Variants in RBFOX1 observed in about 807,000 individuals in gnomAD.
RBFOX1 encodes the protein RNA binding fox-1 homolog 1, also known as RNA binding protein fox-1 homolog 1.
A neutral mutation model predicts 57.7 loss-of-function variants in RBFOX1; 8 were observed. That is an observed-to-expected ratio of 0.14 (90% CI 0.08 to 0.25). The LOEUF is 0.25. Among genes scored for constraint, RBFOX1 ranks in the 10% least tolerant of loss-of-function variants. The probability of loss-of-function intolerance (pLI) is 1.00; values close to 1 mark genes in which losing one functional copy is unlikely to be tolerated. For synonymous variants in RBFOX1, 326 were observed against 222.4 expected, an observed-to-expected ratio of 1.47 and a Z score of -4.15; for missense variants, 611 against 548.5, an observed-to-expected ratio of 1.11 and a Z score of -1.14.
At chr16:5,416,845 G>A (rs559390056) in intron 1 of RBFOX1, among the ~76,000 whole-genome samples, 4 of 152,270 alleles carry the variant, frequency 2.6e-5, no homozygotes, top group Non-Finnish European at 4.4e-5. Context: ...GTAAGAGGAG[G>A]GAAGTGTAGC....
chr16:6,706,477 T>C (rs1223944393), intron 3 of RBFOX1, among the ~76,000 whole-genome samples: 1 of 152,222 alleles, frequency 6.6e-6, no homozygotes, highest in Non-Finnish European at 1.5e-5. Flanking sequence ...TAGGACAGCC[T>C]GATGGCTGGT....
At chr16:5,340,209 T>C (rs149573783) in intron 1 of RBFOX1, among the ~76,000 whole-genome samples, 2 of 152,320 alleles carry the variant, frequency 1.3e-5, no homozygotes, top group East Asian at 3.9e-4. Flanking sequence ...GGGCTTTTAT[T>C]CTTGTTTGTC....
At chr16:5,521,183 G>A (rs1363045408) in intron 2 of RBFOX1, among the ~76,000 whole-genome samples, 2 of 152,160 alleles carry the variant, frequency 1.3e-5, no homozygotes, top group Admixed American at 1.3e-4. Flanking sequence ...CCTGAGATGA[G>A]GAGTCACAGA....
At chr16:6,898,886 A>G (rs920505434) in intron 3 of RBFOX1, among the ~76,000 whole-genome samples, 7 of 107,670 alleles carry the variant, frequency 6.5e-5, no homozygotes, top group Non-Finnish European at 1.1e-4. Flanking sequence ...CGTGTATAAT[A>G]CGTGTGTGCA....
chr16:5,732,489 A>C (rs1362020461), intron 3 of RBFOX1, among the ~76,000 whole-genome samples: 5 of 152,162 alleles, frequency 3.3e-5, no homozygotes, highest in Admixed American at 2.6e-4. Context: ...CACTTGTCAA[A>C]ATGTGCAGAA....
intron 3 of RBFOX1, among the ~76,000 whole-genome samples, chr16:5,673,884 G>A (rs1185035499): frequency 2.0e-5 from 3 of 152,202 alleles, no homozygotes; most frequent in African/African-American, 7.2e-5. Flanking sequence ...ATCTGCTTCA[G>A]CCTTCAGCTT....
At chr16:6,858,529 G>C (rs868040706) in intron 3 of RBFOX1, among the ~76,000 whole-genome samples, 9 of 152,126 alleles carry the variant, frequency 5.9e-5, no homozygotes, top group African/African-American at 2.2e-4. Flanking sequence ...TATCACGCTT[G>C]CTTGTTTTAC....
At chr16:6,742,031 T>A (rs986139965) in intron 3 of RBFOX1, among the ~76,000 whole-genome samples, 21 of 152,330 alleles carry the variant, frequency 1.4e-4, no homozygotes, top group African/African-American at 4.6e-4. Context: ...GTTCTGCATA[T>A]GTTCATTAAC....
intron 2 of RBFOX1, among the ~76,000 whole-genome samples, chr16:6,407,567 G>GTGTGTGTGTGTGTGTGTGTGTC (rs67151505): frequency 1.1e-4 from 16 of 145,088 alleles, no homozygotes; most frequent in South Asian, 9.1e-4. Flanking sequence ...GTGTGTGTGT[G>GTGTGTGTGTGTGTGTGTGTGTC]ACAGAGAGAG....
At chr16:7,576,465 C>A (rs1212124692) in intron 5 of RBFOX1, among the ~76,000 whole-genome samples, 1 of 152,170 alleles carries the variant, frequency 6.6e-6, no homozygotes, top group East Asian at 1.9e-4. Context: ...CATACACCCA[C>A]AATGACCTGA....
intron 11 of RBFOX1, among the ~76,000 whole-genome samples, chr16:7,639,961 T>C (rs1352185880): frequency 6.6e-6 from 1 of 152,222 alleles, no homozygotes; most frequent in Non-Finnish European, 1.5e-5. Flanking sequence ...CCAGAGATTA[T>C]TCTTTCTCCA....
intron 2 of RBFOX1, among the ~76,000 whole-genome samples, chr16:6,637,894 C>G (rs1382901718): frequency 6.6e-6 from 1 of 152,116 alleles, no homozygotes; most frequent in African/African-American, 2.4e-5. Context: ...CAGTGAATTA[C>G]ATTTTACAGG....
chr16:7,202,686 C>G (rs1051905592), intron 4 of RBFOX1, among the ~76,000 whole-genome samples: 1 of 152,184 alleles, frequency 6.6e-6, no homozygotes, highest in South Asian at 2.1e-4. Flanking sequence ...CACAGCAGCA[C>G]AAACTCTTTT....
At chr16:7,255,940 C>T (rs2094661105) in intron 4 of RBFOX1, among the ~76,000 whole-genome samples, 1 of 152,140 alleles carries the variant, frequency 6.6e-6, no homozygotes, top group Admixed American at 6.5e-5. Context: ...ATAATAAGAT[C>T]ATAAAGTGTT....
intron 1 of RBFOX1, among the ~76,000 whole-genome samples, chr16:6,229,679 A>G (rs892948658): frequency 6.6e-6 from 1 of 151,794 alleles, no homozygotes; most frequent in Non-Finnish European, 1.5e-5. Context: ...AAATGTAAAT[A>G]TTGGTTTCCT....
chr16:6,536,844 A>G lies in RBFOX1; in HGVS notation c.-63-117759A>G, dbSNP rs997987441. ...TGCATTCCTGTGGCTTATTTTACTC[A>G]TGGGAATTAAATAATGATAACATTT... On this transcript the variant is annotated intron_variant, in intron 2 of 15. Transcript: ENST00000550418. Among the ~76,000 whole-genome samples the G allele has an allele frequency of 7.9e-5, 12 of 152,322 alleles. No homozygotes were observed. In the East Asian group the frequency reaches 2.3e-3, roughly 29 times the overall value.
At chr16:7,316,402 C>A (rs2096439932) in intron 4 of RBFOX1, among the ~76,000 whole-genome samples, 1 of 152,148 alleles carries the variant, frequency 6.6e-6, no homozygotes, top group Non-Finnish European at 1.5e-5. Context: ...GCATGTGAGG[C>A]CCAGAATGAT....
At chr16:6,621,279 G>T (rs1024160508) in intron 2 of RBFOX1, among the ~76,000 whole-genome samples, 5 of 151,476 alleles carry the variant, frequency 3.3e-5, no homozygotes, top group African/African-American at 1.2e-4. Context: ...GGCTAACACG[G>T]TGAAACCCCG....
intron 2 of RBFOX1, among the ~76,000 whole-genome samples, chr16:6,445,426 A>G (rs1019883015): frequency 6.6e-6 from 1 of 151,980 alleles, no homozygotes; most frequent in Non-Finnish European, 1.5e-5. Flanking sequence ...AGTTGAGGTT[A>G]TTGCGTTGAG....
Sources: gnomAD v4.1 joint callset for allele counts (sites outside exome capture counted in the v4.1 genomes callset) on GRCh38, gnomAD v4.1.1 for gene constraint, MANE v1.5 for transcripts, NCBI Gene and HGNC (gene_info 2026-07-23, HGNC 2026-07-21) for gene names.